Variants in CENPO observed in about 807,000 individuals in gnomAD.
CENPO encodes the protein centromeric protein O.
Under a neutral mutation model 36.1 loss-of-function variants are expected in CENPO, and 30 were observed. That is an observed-to-expected ratio of 0.83 (90% confidence interval 0.62 to 1.13). The LOEUF (loss-of-function observed/expected upper bound fraction) is 1.13, where lower values mean the gene tolerates loss of function less well. CENPO is among the 50% of genes most tolerant of loss of function. CENPO has a pLI of 0.00. For missense variants in CENPO, 349 were observed against 357.8 expected (o/e 0.98, Z 0.20); for synonymous variants, 171 against 142.3 (o/e 1.20, Z -1.44).
chr2:24,811,950 G>A (rs1362473712), intron 3 of CENPO, among the ~76,000 whole-genome samples: 2 of 152,172 alleles, frequency 1.3e-5, no homozygotes, highest in South Asian at 4.1e-4. Context: ...ATCTACCATA[G>A]TATTTTATTG....
intron 2 of CENPO, 107 bp downstream of exon 2, chr2:24,794,072 G>A: frequency 1.2e-6 from 1 of 860,736 alleles, no homozygotes; most frequent in South Asian, 1.3e-5. Flanking sequence ...CTGTTTGGGA[G>A]CAGAATAGTG....
intron 2 of CENPO, among the ~76,000 whole-genome samples, chr2:24,798,280 TA>T (rs1180230957): frequency 9.7e-6 from 1 of 103,098 alleles, no homozygotes; most frequent in African/African-American, 2.8e-5. Flanking sequence ...TGTGTGTATA[TA>T]TATATATATA....
intron 3 of CENPO, among the ~76,000 whole-genome samples, chr2:24,809,786 T>C (rs1173318290): frequency 6.6e-6 from 1 of 152,228 alleles, no homozygotes; most frequent in African/African-American, 2.4e-5. Context: ...TGGTCAGTTT[T>C]TGTAAATATT....
intron 3 of CENPO, among the ~76,000 whole-genome samples, chr2:24,801,462 TCTAA>T (rs1666163159): frequency 6.6e-6 from 1 of 152,194 alleles, no homozygotes; most frequent in Admixed American, 6.5e-5. Flanking sequence ...TGGTTTTAGG[TCTAA>T]CTTTTAAGTC....
chr2:24,808,220 A>AT (rs887441679), intron 3 of CENPO, among the ~76,000 whole-genome samples: 28 of 151,384 alleles, frequency 1.8e-4, no homozygotes, highest in Admixed American at 2.0e-4. Context: ...TATTTTTTTT[A>AT]TTTTTTTTGT....
At position 24,817,466 on chromosome 2, in the gene CENPO, C is replaced by CAAAAAAAAAA. The variant is rs57556645; in HGVS notation, c.767-203_767-194dup. 1.2e-3 allele frequency among the ~76,000 whole-genome samples: 127 copies of CAAAAAAAAAA among 110,064 alleles called. 6 individuals carry two copies. The highest frequency in any genetic ancestry group is 1.7e-3 in the African/African-American group (40 of 23,136). The allele number at this position is 110,064 out of a possible 152,430, so 72.2% of individuals were successfully genotyped here. A position where few individuals can be genotyped will look rare whatever the true frequency, so the allele number is the denominator to read the frequency against. ...AGTAAGGGGCAGCCTTAGTCCAGAC[C>CAAAAAAAAAA]AAAAAAAAAAGCTGTATGGGTCCAG... On this transcript the variant is annotated intron_variant, in intron 6 of 7. Transcript: ENST00000380834.
chr2:24,814,694 G>T (rs986010789), intron 4 of CENPO: 1 of 557,518 alleles, frequency 1.8e-6, no homozygotes, highest in African/African-American at 1.9e-5. Context: ...CTACAAGATT[G>T]ACTGGCCCCT....
In CENPO at chr2:24,820,723, C is replaced by A. The variant is rs1449223260; in HGVS notation, c.*1405C>A. On this transcript the variant is annotated 3_prime_UTR_variant, in exon 8 of 8. Transcript: ENST00000380834. ...CGTGCCAGCTGTGCCACTGGACATACCTGAATGTTGCCCATGACCCCCGTG... is the reference window on the plus strand; with the variant it reads ...CGTGCCAGCTGTGCCACTGGACATAACTGAATGTTGCCCATGACCCCCGTG... The A allele has an allele frequency of 1.2e-6, 2 of 1,614,036 alleles. No individual in the cohort carries two copies. Among genetic ancestry groups the A allele is most frequent in the South Asian group, 2.2e-5 (2 of 91,076 alleles).
chr2:24,815,817 T>C, intron 5 of CENPO, 61 bp downstream of exon 5: 3 of 1,512,308 alleles, frequency 2.0e-6, no homozygotes, highest in Non-Finnish European at 2.7e-6. Flanking sequence ...AAAAGGGGGA[T>C]GTTTTTTGTA....
chr2:24,794,333 T>G (rs560382948), intron 2 of CENPO, among the ~76,000 whole-genome samples: 41 of 152,316 alleles, frequency 2.7e-4, no homozygotes, highest in African/African-American at 8.7e-4. Context: ...TGGCTAGAAC[T>G]GGTTTTGAGT....
intron 2 of CENPO, among the ~76,000 whole-genome samples, chr2:24,794,177 G>T (rs1167240459): frequency 6.6e-6 from 1 of 152,212 alleles, no homozygotes; most frequent in Non-Finnish European, 1.5e-5. Context: ...CTTTTGAAAC[G>T]GATAAGTTGC....
chr2:24,801,724 C>CT (rs1053146032), intron 3 of CENPO, among the ~76,000 whole-genome samples: 9 of 152,202 alleles, frequency 5.9e-5, no homozygotes, highest in South Asian at 2.1e-4. Context: ...GTTTTGGTTA[C>CT]TGTAGCCTTG....
chr2:24,817,874 G>C (rs1007964122), intron 7 of CENPO, 33 bp downstream of exon 7: 45 of 1,556,132 alleles, frequency 2.9e-5, no homozygotes, highest in Non-Finnish European at 3.6e-5. Context: ...AGTACCAGGT[G>C]GGTAGTACTG....
intron 2 of CENPO, among the ~76,000 whole-genome samples, chr2:24,795,453 C>T (rs1219683474): frequency 2.0e-5 from 3 of 152,044 alleles, no homozygotes; most frequent in Non-Finnish European, 4.4e-5. Flanking sequence ...AAAGCAGGCC[C>T]AGCAGATACA....
At chr2:24,804,965 A>G (rs1385228643) in intron 3 of CENPO, among the ~76,000 whole-genome samples, 3 of 152,224 alleles carry the variant, frequency 2.0e-5, no homozygotes, top group South Asian at 2.1e-4. Flanking sequence ...AGGTACACCT[A>G]TCAGACGTAG....
chr2:24,821,598 G>C lies in CENPO; in HGVS notation c.*2280G>C. ...TTCATGGCCAGCGCGAAGTCGGCCA[G>C]GTCAGCCAGGTGCTGCCAGCGCTCT... On this transcript the variant is annotated 3_prime_UTR_variant, in exon 8 of 8. Coordinates refer to ENST00000380834, the MANE Select transcript of CENPO (RefSeq NM_001322101.2). 3 of 1,614,132 alleles carry C rather than the reference G, an allele frequency of 1.9e-6. No individual in the cohort carries two copies. Among genetic ancestry groups the C allele is most frequent in the Non-Finnish European group, 2.5e-6 (3 of 1,180,006 alleles).
Position 24,793,941 on chromosome 2 carries a change from C to G in CENPO, c.22C>G (p.Arg8Gly), listed in dbSNP as rs778026957. 4 of 1,614,116 alleles carry G rather than the reference C, an allele frequency of 2.5e-6. No homozygotes were observed. Among genetic ancestry groups the G allele is most frequent in the Non-Finnish European group, 3.4e-6 (4 of 1,179,950 alleles). ...TGAGATGGAGCAGGCGAACCCTTTA[C>G]GTCCAGATGGCGAGTCCAAAGGAGG... MEQANPL[R>G]PDGESKGGVL... The change falls in exon 2 of 8, where the codon CGT (arginine) becomes GGT (glycine). Residue 8 changes from arginine to glycine, a missense_variant. Transcript: ENST00000380834.
chr2:24,797,194 C>T (rs1173095402), intron 2 of CENPO, among the ~76,000 whole-genome samples: 1 of 152,108 alleles, frequency 6.6e-6, no homozygotes, highest in African/African-American at 2.4e-5. Flanking sequence ...TCAATAGGAT[C>T]TGGTAATGGA....
rs1031767373 is a variant in CENPO at position 24,815,490 on chromosome 2, G to A, written c.335-7G>A. 2 of 1,613,104 alleles carry A rather than the reference G, an allele frequency of 1.2e-6. No individual in the cohort carries two copies. The highest frequency in any genetic ancestry group is 1.7e-4 in the Middle Eastern group (1 of 6,058). ...TGTCTATTGAGGTGTCTTCTTGTTT[G>A]CCTCAGGCCTCAGTGGTAAACTGAC... On this transcript the variant is annotated splice_polypyrimidine_tract_variant and splice_region_variant and intron_variant, in intron 4 of 7. Coordinates refer to ENST00000380834, the MANE Select transcript of CENPO (RefSeq NM_001322101.2).
Sources: gnomAD v4.1 joint callset for allele counts (sites outside exome capture counted in the v4.1 genomes callset) on GRCh38, gnomAD v4.1.1 for gene constraint, MANE v1.5 for transcripts, NCBI Gene and HGNC (gene_info 2026-07-23, HGNC 2026-07-21) for gene names.